Variants in PSMA1 observed in about 807,000 individuals in gnomAD.
The protein encoded by PSMA1 is proteasome 20S subunit alpha 1.
In PSMA1, 3 loss-of-function variants were observed where a neutral mutation model predicts 38.4. That is an observed-to-expected ratio of 0.08 (90% CI 0.04 to 0.20). The LOEUF (loss-of-function observed/expected upper bound fraction) is 0.20. Ranked by LOEUF, PSMA1 falls within the 10% of genes least tolerant of loss-of-function variation. The pLI is 1.00. For synonymous variants in PSMA1, 101 were observed against 107.1 expected (o/e 0.94, Z 0.35); for missense variants, 227 against 325.3 (o/e 0.70, Z 2.32).
At chr11:14,617,137 C>A (rs1852783103) in intron 1 of PSMA1, among the ~76,000 whole-genome samples, 1 of 152,084 alleles carries the variant, frequency 6.6e-6, no homozygotes, top group African/African-American at 2.4e-5. Flanking sequence ...TGCATGCCCA[C>A]TTTCTTTTTT....
intron 2 of PSMA1, among the ~76,000 whole-genome samples, chr11:14,532,003 C>T (rs1227992501): frequency 5.9e-5 from 9 of 152,118 alleles, no homozygotes; most frequent in Non-Finnish European, 1.0e-4. Context: ...TCTGATTATA[C>T]TCTCTTCAGT....
chr11:14,575,224 G>C (rs1852197121), intron 2 of PSMA1, among the ~76,000 whole-genome samples: 1 of 152,020 alleles, frequency 6.6e-6, no homozygotes, highest in African/African-American at 2.4e-5. Flanking sequence ...GTATCCAGCA[G>C]AATAAATTTC....
intron 1 of PSMA1, among the ~76,000 whole-genome samples, chr11:14,629,571 C>G (rs1182396817): frequency 8.5e-5 from 13 of 152,200 alleles, no homozygotes; most frequent in South Asian, 2.1e-4. Context: ...GTTAGTGTAG[C>G]CTTGTAGTAT....
chr11:14,589,240 T>C (rs189710789), intron 2 of PSMA1, among the ~76,000 whole-genome samples: 3 of 152,178 alleles, frequency 2.0e-5, no homozygotes. Context: ...ACTTTCTTTT[T>C]CCCCATAGCA....
chr11:14,596,694 G>A (rs537623002), intron 2 of PSMA1, among the ~76,000 whole-genome samples: 1 of 152,160 alleles, frequency 6.6e-6, no homozygotes. Flanking sequence ...CTGCAAACAG[G>A]TACAATTTGA....
intron 2 of PSMA1, among the ~76,000 whole-genome samples, chr11:14,582,465 ACAAC>A (rs1448860254): frequency 6.6e-6 from 1 of 152,032 alleles, no homozygotes; most frequent in Non-Finnish European, 1.5e-5. Context: ...AAACAAAACA[ACAAC>A]AACAACAACA....
In PSMA1 at chr11:14,513,632, A is replaced by G. The variant is rs990165801; in HGVS notation, c.482T>C (p.Ile161Thr). The change falls in exon 7 of 10, where the codon ATT becomes ACT. Residue 161 changes from isoleucine to threonine, a missense_variant. Transcript: ENST00000396394. ...ACGAGCTGATTGGGAACGGGCTCCA[A>G]TGGACATGGCTCTGCAGTCAAAATA... ...ANYFDCRAMS[I>T]GARSQSARTY... The G allele has an allele frequency of 4.4e-6, 7 of 1,597,394 alleles. No homozygotes were observed. Among genetic ancestry groups the G allele is most frequent in the Non-Finnish European group, 5.1e-6 (6 of 1,174,682 alleles).
intron 2 of PSMA1, among the ~76,000 whole-genome samples, chr11:14,570,766 T>C (rs1852129519): frequency 6.6e-6 from 1 of 152,206 alleles, no homozygotes; most frequent in Admixed American, 6.5e-5. Context: ...TGGAACCAAG[T>C]TGGAAAACAC....
At chr11:14,525,431 C>A (rs866221749) in intron 2 of PSMA1, among the ~76,000 whole-genome samples, 7 of 152,204 alleles carry the variant, frequency 4.6e-5, no homozygotes, top group Non-Finnish European at 7.4e-5. Flanking sequence ...ATCACCCTTA[C>A]CCCGCTCAAC....
intron 2 of PSMA1, among the ~76,000 whole-genome samples, chr11:14,557,339 G>C (rs1851951583): frequency 2.0e-5 from 3 of 152,170 alleles, no homozygotes; most frequent in South Asian, 4.1e-4. Flanking sequence ...CCAGGTTCAA[G>C]TGATTCTCCT....
intron 2 of PSMA1, among the ~76,000 whole-genome samples, chr11:14,565,074 C>A (rs73424219): frequency 1.3e-5 from 2 of 152,134 alleles, no homozygotes; most frequent in Admixed American, 1.3e-4. Flanking sequence ...CCACAGCACC[C>A]AGCCTATAGG....
chr11:14,622,867 G>A (rs1750554424), intron 1 of PSMA1, among the ~76,000 whole-genome samples: 1 of 152,190 alleles, frequency 6.6e-6, no homozygotes, highest in Admixed American at 6.5e-5. Context: ...AGTATCATTG[G>A]GAGAATAACA....
exon 2 of PSMA1, chr11:14,611,048 G>T: frequency 6.4e-7 from 1 of 1,556,900 alleles, no homozygotes; most frequent in Non-Finnish European, 8.9e-7. Context: ...GATTTGACTT[G>T]TCATTGTCTT....
At chr11:14,589,982 G>T (rs1229411363) in intron 2 of PSMA1, among the ~76,000 whole-genome samples, 1 of 152,220 alleles carries the variant, frequency 6.6e-6, no homozygotes, top group Non-Finnish European at 1.5e-5. Context: ...ACAGAATGTG[G>T]TCTAAACATA....
rs542250357 is a variant in PSMA1 at position 14,517,987 on chromosome 11, G to GA, written c.49-7dup. 66,693 of 1,170,164 alleles carry GA rather than the reference G, an allele frequency of 0.057. 5 individuals carry two copies. Among genetic ancestry groups the GA allele is most frequent in the South Asian group, 0.08 (4,651 of 58,098 alleles). 72.5% of individuals were successfully genotyped at this position (1,170,164 alleles called of 1,614,324 possible). A position where few individuals can be genotyped will look rare whatever the true frequency, so the allele number is the denominator to read the frequency against. ...TCAATTTGATGAATCCTGCCCTAAA[G>GA]AAAAAAAAAACAAAAAACACACATC... is the stretch of plus-strand genomic sequence containing the variant. On this transcript the variant is annotated splice_polypyrimidine_tract_variant and splice_region_variant and intron_variant, in intron 2 of 9. Coordinates refer to ENST00000396394, the MANE Select transcript of PSMA1 (RefSeq NM_002786.4).
At chr11:14,599,433 A>C (rs1852549664) in intron 2 of PSMA1, among the ~76,000 whole-genome samples, 1 of 151,964 alleles carries the variant, frequency 6.6e-6, no homozygotes, top group Non-Finnish European at 1.5e-5. Flanking sequence ...GGCTTTGTTC[A>C]TTTCTTTTTA....
At chr11:14,520,455 G>A (rs1242831271), upstream of PSMA1, 34 of 1,561,592 alleles carry the variant, frequency 2.2e-5, no homozygotes, top group Non-Finnish European at 2.7e-5. Flanking sequence ...CGATAGGCTT[G>A]CAACACTTCC....
At chr11:14,592,363 T>C (rs1852428755) in intron 2 of PSMA1, among the ~76,000 whole-genome samples, 2 of 106,564 alleles carry the variant, frequency 1.9e-5, no homozygotes, top group African/African-American at 8.3e-5. Context: ...AGTCTCTCTC[T>C]CTCTCTCTCT....
At chr11:14,584,121 A>C (rs1389245573) in intron 2 of PSMA1, among the ~76,000 whole-genome samples, 7 of 152,258 alleles carry the variant, frequency 4.6e-5, no homozygotes, top group African/African-American at 1.4e-4. Context: ...GAATGTTAAT[A>C]TACCTTACAA....
Sources: allele counts gnomAD v4.1 joint callset (sites outside exome capture counted in the v4.1 genomes callset), GRCh38; gene constraint gnomAD v4.1.1; transcripts MANE v1.5; gene names NCBI Gene and HGNC (gene_info 2026-07-23, HGNC 2026-07-21).